The following DTNA variants were observed in gnomAD, a reference collection of about 807,000 sequenced individuals.
DTNA encodes dystrophin-related protein 3.
DTNA carries 43 observed loss-of-function variants against 100.7 expected under a neutral mutation model. The observed-to-expected ratio is 0.43, with a 90% CI of 0.33 to 0.55. The LOEUF (loss-of-function observed/expected upper bound fraction) is 0.55, where lower values mean the gene tolerates loss of function less well. Among genes scored for constraint, DTNA ranks in the 20% least tolerant of loss-of-function variants. The probability of loss-of-function intolerance (pLI) is 0.04; values close to 1 mark genes in which losing one functional copy is unlikely to be tolerated. For missense variants in DTNA, 798 were observed against 953.9 expected (o/e 0.84, Z 2.15); for synonymous variants, 349 against 347.9 (o/e 1.00, Z -0.04).
intron 1 of DTNA, among the ~76,000 whole-genome samples, chr18:34,581,280 C>CA (rs1491342912): frequency 0.086 from 8,264 of 96,164 alleles, 317 homozygotes; most frequent in African/African-American, 0.12. Flanking sequence ...AACAAAAAAA[C>CA]AAAACAAAAA....
intron 11 of DTNA, among the ~76,000 whole-genome samples, chr18:34,831,178 A>G (rs17557660): frequency 1.3e-5 from 2 of 152,264 alleles, no homozygotes; most frequent in South Asian, 4.1e-4. Context: ...TTCTTTCACT[A>G]TGGTCAAGCT....
At chr18:34,641,524 C>G (rs2059277220) in intron 1 of DTNA, among the ~76,000 whole-genome samples, 1 of 152,216 alleles carries the variant, frequency 6.6e-6, no homozygotes, top group African/African-American at 2.4e-5. Flanking sequence ...TGACAACAAT[C>G]ATACTTTTCT....
intron 3 of DTNA, among the ~76,000 whole-genome samples, chr18:34,776,576 C>T (rs1444296836): frequency 1.3e-5 from 2 of 152,140 alleles, no homozygotes; most frequent in African/African-American, 4.8e-5. Context: ...CTCCTGACCT[C>T]GTGATCTGCC....
At chr18:34,795,733 CAT>C (rs1185606021) in intron 4 of DTNA, among the ~76,000 whole-genome samples, 1 of 152,150 alleles carries the variant, frequency 6.6e-6, no homozygotes, top group Non-Finnish European at 1.5e-5. Context: ...CTAGAGAACT[CAT>C]AAAGAATCAA....
chr18:34,750,690 G>T (rs2092230126), intron 1 of DTNA, among the ~76,000 whole-genome samples: 1 of 152,068 alleles, frequency 6.6e-6, no homozygotes, highest in African/African-American at 2.4e-5. Context: ...ATATCTTTTT[G>T]ACTTCCTAAC....
At chr18:34,656,798 A>C (rs1428854353) in intron 1 of DTNA, among the ~76,000 whole-genome samples, 1 of 152,242 alleles carries the variant, frequency 6.6e-6, no homozygotes, top group Non-Finnish European at 1.5e-5. Flanking sequence ...TAATGCCGTT[A>C]TCTAAAAATT....
chr18:34,581,163 G>A (rs938023099), intron 1 of DTNA, among the ~76,000 whole-genome samples: 8 of 152,136 alleles, frequency 5.3e-5, no homozygotes, highest in Non-Finnish European at 1.2e-4. Flanking sequence ...CAGGAGAATG[G>A]CGTGAACCCG....
At chr18:34,640,227 C>T (rs1212686944) in intron 1 of DTNA, among the ~76,000 whole-genome samples, 1 of 152,188 alleles carries the variant, frequency 6.6e-6, no homozygotes, top group African/African-American at 2.4e-5. Context: ...TTCATTACCT[C>T]TCTCAGCAAC....
In DTNA at chr18:34,685,048, T is replaced by G. The variant is rs916013645; in HGVS notation, c.-1-70928T>G. ...CCTTGTAGATTCTGGATATTAGCCC[T>G]TTGTCAGATGGATAGATTGCAAAAA... On this transcript the variant is annotated intron_variant, in intron 1 of 19. Transcript: ENST00000283365. Among the ~76,000 whole-genome samples the G allele has an allele frequency of 3.3e-5, 5 of 152,370 alleles. No individual in the cohort carries two copies. The East Asian group carries it at 9.7e-4, about 29-fold the overall frequency.
chr18:34,655,019 G>A (rs975424466), intron 1 of DTNA, among the ~76,000 whole-genome samples: 2 of 151,956 alleles, frequency 1.3e-5, no homozygotes, highest in Non-Finnish European at 2.9e-5. Context: ...GAACCACCGT[G>A]CCCGGCCTAA....
At chr18:34,852,363 C>T (rs574459431) in intron 15 of DTNA, among the ~76,000 whole-genome samples, 1 of 151,988 alleles carries the variant, frequency 6.6e-6, no homozygotes, top group African/African-American at 2.4e-5. Flanking sequence ...ACCACCATCA[C>T]CCAGTTACTC....
intron 1 of DTNA, among the ~76,000 whole-genome samples, chr18:34,538,506 A>G (rs925282779): frequency 6.6e-6 from 1 of 152,080 alleles, no homozygotes; most frequent in East Asian, 1.9e-4. Context: ...ATCTCTACGC[A>G]GTGAGCTTGC....
At chr18:34,680,485 AT>A (rs2077954972) in intron 1 of DTNA, among the ~76,000 whole-genome samples, 1 of 152,188 alleles carries the variant, frequency 6.6e-6, no homozygotes, top group African/African-American at 2.4e-5. Context: ...GAACACCAGC[AT>A]ATACCTATGT....
chr18:34,815,858 TA>T, intron 6 of DTNA, 50 bp from the exon 7 acceptor site: 2 of 1,458,752 alleles, frequency 1.4e-6, no homozygotes, highest in Non-Finnish European at 9.6e-7. Flanking sequence ...ACATAGCAGG[TA>T]AATTGAGATG....
chr18:34,777,435 G>T (rs898218697), intron 3 of DTNA, among the ~76,000 whole-genome samples: 1 of 152,140 alleles, frequency 6.6e-6, no homozygotes, highest in African/African-American at 2.4e-5. Flanking sequence ...TTTCAGAAAT[G>T]AAAAATATTT....
At chr18:34,536,686 A>G (rs928101329) in intron 1 of DTNA, among the ~76,000 whole-genome samples, 2 of 151,978 alleles carry the variant, frequency 1.3e-5, no homozygotes, top group African/African-American at 4.8e-5. Flanking sequence ...AAGTGTAGCT[A>G]TTATCTAATT....
intron 1 of DTNA, among the ~76,000 whole-genome samples, chr18:34,753,560 T>C (rs532101577): frequency 2.0e-5 from 3 of 146,990 alleles, no homozygotes; most frequent in Non-Finnish European, 4.4e-5. Context: ...TTTTTTGTAT[T>C]TTTAGTAGAG....
chr18:34,538,399 T>C (rs1015946153), intron 1 of DTNA, among the ~76,000 whole-genome samples: 2 of 152,042 alleles, frequency 1.3e-5, no homozygotes, highest in Admixed American at 6.6e-5. Context: ...AAATGGAAAT[T>C]GATCCTTTAT....
At chr18:34,665,747 A>G (rs2075830784) in intron 1 of DTNA, among the ~76,000 whole-genome samples, 1 of 152,176 alleles carries the variant, frequency 6.6e-6, no homozygotes, top group South Asian at 2.1e-4. Flanking sequence ...TACAAAGAAC[A>G]TGAACTCATC....
Sources: allele counts gnomAD v4.1 joint callset (sites outside exome capture counted in the v4.1 genomes callset), GRCh38; gene constraint gnomAD v4.1.1; transcripts MANE v1.5; gene names NCBI Gene and HGNC (gene_info 2026-07-23, HGNC 2026-07-21).